NVL: variants seen among roughly 807,000 people sequenced by gnomAD.
NVL encodes nuclear VCP like.
Under a neutral mutation model 110.2 loss-of-function variants are expected in NVL, and 84 were observed. That is an observed-to-expected ratio of 0.76 (90% CI 0.64 to 0.91). NVL has a LOEUF of 0.91. Among genes scored for constraint, NVL ranks in the 40% least tolerant of loss-of-function variants. The pLI, the probability that NVL is intolerant of heterozygous loss-of-function variation, is 0.00. For synonymous variants in NVL, 354 were observed against 361.1 expected, an observed-to-expected ratio of 0.98 and a Z score of 0.22; for missense variants, 882 against 1,035.9, an observed-to-expected ratio of 0.85 and a Z score of 2.04.
chr1:224,319,490 G>A (rs1670441639), intron 2 of NVL, among the ~76,000 whole-genome samples: 1 of 151,894 alleles, frequency 6.6e-6, no homozygotes, highest in South Asian at 2.1e-4. Context: ...TGTATTTTTA[G>A]TAGAGACAGG....
chr1:224,283,991 GTTA>G (rs1234964486), intron 15 of NVL, among the ~76,000 whole-genome samples: 2 of 152,168 alleles, frequency 1.3e-5, no homozygotes, highest in Non-Finnish European at 2.9e-5. Context: ...TATTAAAAAT[GTTA>G]TTATTTCAAT....
At chr1:224,304,291 G>A (rs999168761) in intron 8 of NVL, among the ~76,000 whole-genome samples, 1 of 152,082 alleles carries the variant, frequency 6.6e-6, no homozygotes, top group African/African-American at 2.4e-5. Flanking sequence ...TGGGCGTGGT[G>A]GCACATGCCT....
At chr1:224,326,600 T>G in intron 1 of NVL, 136 bp from the exon 2 acceptor site, 2 of 557,886 alleles carry the variant, frequency 3.6e-6, no homozygotes, top group South Asian at 5.6e-5. Context: ...GAAACATAAA[T>G]AAAAGTAACC....
chr1:224,303,996 G>T, intron 8 of NVL, 139 bp from the exon 9 acceptor site: 1 of 898,904 alleles, frequency 1.1e-6, no homozygotes, highest in Non-Finnish European at 1.6e-6. Flanking sequence ...TTGAATCCTG[G>T]CTCTGGTACC....
chr1:224,308,520 G>C (rs372681873), intron 5 of NVL, among the ~76,000 whole-genome samples: 1 of 151,364 alleles, frequency 6.6e-6, no homozygotes, highest in Admixed American at 6.6e-5. Context: ...GTGTAACACC[G>C]TCTCTAGTAA....
chr1:224,227,682 G>T lies in NVL; in HGVS notation c.2527-12C>A. On this transcript the variant is annotated splice_polypyrimidine_tract_variant and intron_variant, in intron 22 of 22. Coordinates refer to ENST00000281701, the MANE Select transcript of NVL (RefSeq NM_002533.4). The stretch of plus-strand genomic sequence containing the variant: ...TACATGATTTGATCCTGAAAGGAGG[G>T]AGAACACAGAATACAGAGACCGTCA... 1 of 1,609,134 alleles carries T rather than the reference G, an allele frequency of 6.2e-7. No individual in the cohort carries two copies. Among genetic ancestry groups the T allele is most frequent in the African/African-American group, 1.3e-5 (1 of 74,844 alleles).
chr1:224,266,043 A>G (rs1254647878), intron 18 of NVL, among the ~76,000 whole-genome samples: 2 of 152,238 alleles, frequency 1.3e-5, no homozygotes, highest in Admixed American at 6.5e-5. Context: ...CAGATAGTAC[A>G]AACAATTAAA....
intron 18 of NVL, among the ~76,000 whole-genome samples, chr1:224,253,908 A>C (rs1413291600): frequency 6.6e-6 from 1 of 152,134 alleles, no homozygotes; most frequent in Non-Finnish European, 1.5e-5. Flanking sequence ...TGTAGTGCTT[A>C]CTGTGGCTTT....
intron 18 of NVL, 34 bp from the exon 19 acceptor site, chr1:224,250,352 A>C: frequency 6.6e-7 from 1 of 1,503,816 alleles, no homozygotes; most frequent in Non-Finnish European, 8.9e-7. Flanking sequence ...GTCTTAAATA[A>C]AACCTTTTAT....
At chr1:224,246,121 C>T (rs1661792940) in intron 19 of NVL, among the ~76,000 whole-genome samples, 1 of 152,038 alleles carries the variant, frequency 6.6e-6, no homozygotes, top group African/African-American at 2.4e-5. Context: ...CCTCTGCCTC[C>T]CGGGTTCAAG....
chr1:224,308,690 CAAA>C (rs544159510), intron 5 of NVL, among the ~76,000 whole-genome samples: 2 of 61,912 alleles, frequency 3.2e-5, no homozygotes, highest in Non-Finnish European at 3.4e-5. Flanking sequence ...GACTCCATCT[CAAA>C]AAAAAAAAAA....
At chr1:224,299,673 G>A (rs1668208795) in intron 10 of NVL, among the ~76,000 whole-genome samples, 1 of 152,152 alleles carries the variant, frequency 6.6e-6, no homozygotes, top group Admixed American at 6.5e-5. Context: ...AATCCACCGC[G>A]TTTTGGAAAA....
At chr1:224,260,492 G>T (rs529029315) in intron 18 of NVL, among the ~76,000 whole-genome samples, 9 of 151,960 alleles carry the variant, frequency 5.9e-5, no homozygotes, top group Admixed American at 5.9e-4. Flanking sequence ...TCCTAACCTC[G>T]TGATGTGTCT....
chr1:224,317,061 C>G (rs1670158733), intron 4 of NVL, among the ~76,000 whole-genome samples: 1 of 151,174 alleles, frequency 6.6e-6, no homozygotes, highest in Non-Finnish European at 1.5e-5. Flanking sequence ...ATCGCTTGAA[C>G]CCGGGGGGCA....
At chr1:224,322,877 C>T (rs1347859172) in intron 2 of NVL, among the ~76,000 whole-genome samples, 1 of 151,904 alleles carries the variant, frequency 6.6e-6, no homozygotes, top group Non-Finnish European at 1.5e-5. Context: ...TCGCTTGAAC[C>T]AGGGAGGCAG....
intron 1 of NVL, among the ~76,000 whole-genome samples, chr1:224,326,822 C>G (rs1411198250): frequency 6.6e-6 from 1 of 152,160 alleles, no homozygotes; most frequent in Non-Finnish European, 1.5e-5. Flanking sequence ...TATTTGACAT[C>G]TGTCAGATAC....
chr1:224,246,164 G>C (rs931507435), intron 19 of NVL, among the ~76,000 whole-genome samples: 5 of 152,134 alleles, frequency 3.3e-5, no homozygotes, highest in South Asian at 4.2e-4. Context: ...CTGAGTAGCT[G>C]GGATTACAGG....
At chr1:224,283,225 T>G (rs1281219484) in intron 15 of NVL, among the ~76,000 whole-genome samples, 4 of 152,182 alleles carry the variant, frequency 2.6e-5, no homozygotes, top group Non-Finnish European at 4.4e-5. Flanking sequence ...CGGTGGCTCA[T>G]GCCTGTAATC....
chr1:224,238,316 G>A (rs1245721387), intron 19 of NVL, among the ~76,000 whole-genome samples: 4 of 152,062 alleles, frequency 2.6e-5, no homozygotes, highest in Admixed American at 6.6e-5. Flanking sequence ...TACAGGTGAG[G>A]GCCACAGCAC....
Sources: gnomAD v4.1 joint callset for allele counts (sites outside exome capture counted in the v4.1 genomes callset) on GRCh38, gnomAD v4.1.1 for gene constraint, MANE v1.5 for transcripts, NCBI Gene and HGNC (gene_info 2026-07-23, HGNC 2026-07-21) for gene names.